The following SNX1 variants were observed in gnomAD, a reference collection of about 807,000 sequenced individuals.
SNX1 encodes sorting nexin 1.
A neutral mutation model predicts 71.8 loss-of-function variants in SNX1; 36 were observed. The observed-to-expected ratio is 0.50, with a 90% confidence interval of 0.38 to 0.66. The LOEUF is 0.66. SNX1 is among the 30% of genes least tolerant of loss of function. SNX1 has a pLI of 0.00. For missense variants in SNX1, 612 were observed against 646.7 expected (o/e 0.95, Z 0.58); for synonymous variants, 254 against 240.7 (o/e 1.06, Z -0.51).
intron 1 of SNX1, among the ~76,000 whole-genome samples, chr15:64,100,368 G>A (rs1225586999): frequency 3.3e-5 from 5 of 152,104 alleles, no homozygotes; most frequent in African/African-American, 7.2e-5. Flanking sequence ...TTGACAGGCC[G>A]AGGCGGGCGT....
At chr15:64,112,494 G>A (rs1187940230) in intron 1 of SNX1, 79 bp from the exon 2 acceptor site, 14 of 804,228 alleles carry the variant, frequency 1.7e-5, no homozygotes, top group Non-Finnish European at 2.4e-5. Flanking sequence ...ACTGAGGGAG[G>A]CATTAAAAGT....
Position 64,134,428 on chromosome 15 carries a change from G to A in SNX1, c.1222-236G>A. On this transcript the variant is annotated intron_variant, in intron 11 of 14. Transcript: ENST00000559844. The surrounding 1 kb of genome is among the most constrained non-coding windows in gnomAD (Gnocchi z 4.1). ...CCACCTACTGGATCCCTGCCATCCAGCCCTGGGAGTAGCATGAAGCAGCAT... is the reference window on the plus strand; with the variant it reads ...CCACCTACTGGATCCCTGCCATCCAACCCTGGGAGTAGCATGAAGCAGCAT... 1.9e-6 allele frequency: 1 copy of A among 526,016 alleles called. No individual in the cohort carries two copies. The highest frequency in any genetic ancestry group is 3.4e-5 in the Admixed American group (1 of 29,364). 32.6% of individuals were successfully genotyped at this position (526,016 alleles called of 1,614,324 possible). A position where few individuals can be genotyped will look rare whatever the true frequency, so the allele number is the denominator to read the frequency against.
chr15:64,120,624 C>T (rs2081187436), intron 4 of SNX1, among the ~76,000 whole-genome samples: 1 of 151,948 alleles, frequency 6.6e-6, no homozygotes, highest in Non-Finnish European at 1.5e-5. Flanking sequence ...CCAGCCTGCC[C>T]AACATGGCAA....
intron 5 of SNX1, among the ~76,000 whole-genome samples, chr15:64,123,979 G>A (rs934417020): frequency 6.6e-6 from 1 of 151,542 alleles, no homozygotes; most frequent in Non-Finnish European, 1.5e-5. Flanking sequence ...ATACAATGTT[G>A]TATACAAGTT....
chr15:64,136,360 G>A lies in SNX1; in HGVS notation c.1396G>A (p.Asp466Asn), dbSNP rs1802376. 0.018 allele frequency: 29,835 copies of A among 1,613,914 alleles called. 343 individuals are homozygous for A. Among genetic ancestry groups the A allele is most frequent in the Middle Eastern group, 0.039 (239 of 6,056 alleles). Reference sequence around the variant, plus strand: ...GTCTCGGGTGACTCAATATGAAAGGGACTTCGAGAGGATTTCAACAGTGGT... The same window carrying A: ...GTCTCGGGTGACTCAATATGAAAGGAACTTCGAGAGGATTTCAACAGTGGT... The part of the protein sequence containing the change: ...WESRVTQYER[D>N]FERISTVVRK... The change falls in exon 13 of 15, where the codon GAC becomes AAC. Residue 466 changes from aspartate to asparagine, a missense_variant. Asp to Asn is a conservative substitution (Grantham distance 23). Around this residue, in one of 2 missense-constraint regions of SNX1, gnomAD observed 296 missense variants for 361.9 expected, o/e 0.82. Coordinates refer to ENST00000559844, the MANE Select transcript of SNX1 (RefSeq NM_003099.5).
Position 64,141,295 on chromosome 15 carries a change from G to T in SNX1, c.*3677G>T. 6.6e-6 allele frequency: 1 copy of T among 152,314 alleles called. No individual in the cohort carries two copies. The allele number at this position is 152,314 out of a possible 1,614,324, so 9.4% of individuals were successfully genotyped here. A position where few individuals can be genotyped will look rare whatever the true frequency, so the allele number is the denominator to read the frequency against. ...ATTTCCTTGGAATGATGTCTCCTCT[G>T]GTTTCAGAACTTCCTCCTCTGCTTC... is the stretch of plus-strand genomic sequence containing the variant. On this transcript the variant is annotated 3_prime_UTR_variant, in exon 15 of 15. Coordinates refer to ENST00000559844, the MANE Select transcript of SNX1 (RefSeq NM_003099.5). The surrounding 1 kb of genome is among the most constrained non-coding windows in gnomAD (Gnocchi z 5.1).
rs111266723 is a variant in SNX1, at chr15:64,138,178, A to G, written c.*560A>G. On this transcript the variant is annotated 3_prime_UTR_variant, in exon 15 of 15. Coordinates refer to ENST00000559844, the MANE Select transcript of SNX1 (RefSeq NM_003099.5). The stretch of plus-strand genomic sequence containing the variant: ...AAATGGGGTTTCTTTCTCTCCGCCT[A>G]CCTCAGCTACCTGTTCTGAGGGTCT... The G allele has an allele frequency of 5.5e-3, 8,396 of 1,535,194 alleles. 20 individuals are homozygous for G. The highest frequency in any genetic ancestry group is 6.5e-3 in the Non-Finnish European group (7,506 of 1,146,788).
intron 8 of SNX1, 94 bp downstream of exon 8, chr15:64,127,900 G>A: frequency 1.2e-6 from 1 of 841,808 alleles, no homozygotes; most frequent in Non-Finnish European, 2.0e-6. Flanking sequence ...CACTTAACAT[G>A]CCTAGTACTA....
At position 64,138,316 on chromosome 15, in the gene SNX1, T is replaced by C; in HGVS notation, c.*698T>C. The C allele has an allele frequency of 1.2e-6, 1 of 846,120 alleles. No individual in the cohort carries two copies. Among genetic ancestry groups the C allele is most frequent in the Non-Finnish European group, 1.6e-6 (1 of 610,352 alleles). 52.4% of individuals were successfully genotyped at this position (846,120 alleles called of 1,614,324 possible). ...TCTCCTGCAAAGGAGGCAGAGACTT[T>C]CTCTCTCTCTTTTTTTTTTTTTTTT... On this transcript the variant is annotated 3_prime_UTR_variant, in exon 15 of 15. Transcript: ENST00000559844.
intron 2 of SNX1, among the ~76,000 whole-genome samples, chr15:64,116,482 T>C (rs1054231677): frequency 2.0e-5 from 3 of 152,236 alleles, no homozygotes; most frequent in African/African-American, 7.2e-5. Flanking sequence ...CAGATTTCAT[T>C]TCTAACAGTG....
Position 64,129,780 on chromosome 15 carries a change from C to T in SNX1, c.808-136C>T. On this transcript the variant is annotated intron_variant, in intron 8 of 14. Transcript: ENST00000559844. This position sits in a 1 kb window ranked among gnomAD's most constrained non-coding sequence, Gnocchi z 4.4. ...ACATGTTAGTTGTGGATTCCTCAGA[C>T]TGCCTTTGAAAACAATTTACAGTTC... 1.5e-6 allele frequency: 1 copy of T among 647,388 alleles called. No individual in the cohort carries two copies. Among genetic ancestry groups the T allele is most frequent in the Admixed American group, 2.4e-5 (1 of 41,898 alleles). The allele number at this position is 647,388 out of a possible 1,614,324, so 40.1% of individuals were successfully genotyped here.
At chr15:64,101,050 C>G (rs1490445062) in intron 1 of SNX1, among the ~76,000 whole-genome samples, 1 of 152,188 alleles carries the variant, frequency 6.6e-6, no homozygotes, top group Non-Finnish European at 1.5e-5. Context: ...GATCCTCCCA[C>G]CTTGGCCTCC....
chr15:64,113,816 A>G, intron 2 of SNX1, among the ~76,000 whole-genome samples: 1 of 140,854 alleles, frequency 7.1e-6, no homozygotes, highest in South Asian at 2.2e-4. Context: ...GCAAGACTCC[A>G]TCTCAAAATA....
chr15:64,140,155 A>G lies in SNX1; in HGVS notation c.*2537A>G, dbSNP rs2081399029. 1 of 152,294 alleles carries G rather than the reference A, an allele frequency of 6.6e-6. No individual in the cohort carries two copies. The highest frequency in any genetic ancestry group is 2.4e-5 in the African/African-American group (1 of 41,476). The allele number at this position is 152,294 out of a possible 1,614,324, so 9.4% of individuals were successfully genotyped here. On this transcript the variant is annotated 3_prime_UTR_variant, in exon 15 of 15. Coordinates refer to ENST00000559844, the MANE Select transcript of SNX1 (RefSeq NM_003099.5). Reference sequence around the variant, plus strand: ...ATTTTGTTCCTCATTCACCAGTTATATAGTATCAGTTGATTAGTCTTGTCC... The same window carrying G: ...ATTTTGTTCCTCATTCACCAGTTATGTAGTATCAGTTGATTAGTCTTGTCC...
intron 13 of SNX1, 137 bp downstream of exon 13, chr15:64,136,547 T>TA (rs2081361915): frequency 4.1e-6 from 3 of 734,460 alleles, no homozygotes; most frequent in South Asian, 3.2e-5. Context: ...TGGCCTTCTT[T>TA]GGGGGGGTGT....
intron 5 of SNX1, among the ~76,000 whole-genome samples, chr15:64,124,973 T>C (rs1324263845): frequency 6.6e-6 from 1 of 152,228 alleles, no homozygotes; most frequent in Non-Finnish European, 1.5e-5. Context: ...GGTAGAAATC[T>C]GCTTTGTATT....
At chr15:64,103,711 T>A (rs2080988457) in intron 1 of SNX1, among the ~76,000 whole-genome samples, 1 of 152,186 alleles carries the variant, frequency 6.6e-6, no homozygotes, top group Admixed American at 6.5e-5. Flanking sequence ...AGAAAAATGA[T>A]GGTTAATCTG....
chr15:64,123,440 G>A, intron 4 of SNX1, 63 bp from the exon 5 acceptor site: 1 of 1,401,966 alleles, frequency 7.1e-7, no homozygotes, highest in Non-Finnish European at 1.0e-6. Context: ...CTGGTCAAAT[G>A]TTAGCTGGAT....
rs1261033947 is a variant in SNX1 at position 64,129,226 on chromosome 15, G to A, written c.808-690G>A. Among the ~76,000 whole-genome samples the A allele has an allele frequency of 1.3e-5, 2 of 149,628 alleles. No homozygotes were observed. Among genetic ancestry groups the A allele is most frequent in the Non-Finnish European group, 3.0e-5 (2 of 67,634 alleles). On this transcript the variant is annotated intron_variant, in intron 8 of 14. Transcript: ENST00000559844. This position sits in a 1 kb window ranked among gnomAD's most constrained non-coding sequence, Gnocchi z 4.4. The stretch of plus-strand genomic sequence containing the variant: ...CGTGCCACTGCACTCCAGCCTGGGC[G>A]ACAAGAGCAAGACTCCGTCTCAAAA...
Sources: gnomAD v4.1 joint callset for allele counts (sites outside exome capture counted in the v4.1 genomes callset) on GRCh38, gnomAD v4.1.1 for gene constraint, gnomAD v4.1.1 regional missense constraint, Gnocchi (gnomAD v3.1) non-coding constraint, MANE v1.5 for transcripts, NCBI Gene and HGNC (gene_info 2026-07-23, HGNC 2026-07-21) for gene names.